The following MFSD6 variants were observed in gnomAD, a reference collection of about 807,000 sequenced individuals.
The protein encoded by MFSD6 is major facilitator superfamily domain containing 6, also known as major facilitator superfamily domain-containing protein 6.
In MFSD6, 26 loss-of-function variants were observed where a neutral mutation model predicts 56.3. The ratio of observed to expected loss-of-function variants is 0.46; its 90% CI spans 0.34 to 0.64. The LOEUF (loss-of-function observed/expected upper bound fraction) is 0.64. Among genes scored for constraint, MFSD6 ranks in the 30% least tolerant of loss-of-function variants. The pLI, the probability that MFSD6 is intolerant of heterozygous loss-of-function variation, is 0.01. For missense variants in MFSD6, 750 were observed against 986.2 expected (o/e 0.76, Z 3.21); for synonymous variants, 331 against 366.9 (o/e 0.90, Z 1.12).
chr2:190,479,839 T>A (rs981892878), intron 4 of MFSD6, among the ~76,000 whole-genome samples: 1 of 152,140 alleles, frequency 6.6e-6, no homozygotes, highest in African/African-American at 2.4e-5. Context: ...GGGAGCCGGG[T>A]TAAGATTTTG....
rs1559111768 is a variant in MFSD6 at position 190,437,808 on chromosome 2, A to T, written c.1532+247A>T. On this transcript the variant is annotated intron_variant, in intron 3 of 7. Transcript: ENST00000392328. This position sits in a 1 kb window ranked among gnomAD's most constrained non-coding sequence, Gnocchi z 5.9. ...TCTGCTCTCCCACCCCACAGAAAAG[A>T]CCTATAGGCTACCTAGCTGTGTGCT... Among the ~76,000 whole-genome samples, 1 of 152,146 alleles carries T rather than the reference A, an allele frequency of 6.6e-6. No individual in the cohort carries two copies. The highest frequency in any genetic ancestry group is 1.5e-5 in the Non-Finnish European group (1 of 68,018).
In MFSD6 at chr2:190,437,551, G is replaced by A. The variant is rs1307632674; in HGVS notation, c.1522G>A (p.Gly508Ser). 1.7e-5 allele frequency: 27 copies of A among 1,612,678 alleles called. No homozygotes were observed. Among genetic ancestry groups the A allele is most frequent in the Admixed American group, 6.7e-5 (4 of 59,958 alleles). ...FFSHKLIELIGHIRVLYIGLA... is the reference protein window; with the variant it reads ...FFSHKLIELISHIRVLYIGLA... ...TAGTCACAAGCTTATTGAATTGATC[G>A]GCCACATCAGGTAAGAACATGCTTA... The change falls in exon 3 of 8, where the codon GGC (glycine) becomes AGC (serine). Residue 508 changes from glycine to serine, a missense_variant. Coordinates refer to ENST00000392328, the MANE Select transcript of MFSD6 (RefSeq NM_017694.4). This position sits in a 1 kb window ranked among gnomAD's most constrained non-coding sequence, Gnocchi z 5.9.
chr2:190,464,137 T>C (rs1687475687), intron 3 of MFSD6, among the ~76,000 whole-genome samples: 2 of 152,204 alleles, frequency 1.3e-5, no homozygotes, highest in Non-Finnish European at 2.9e-5. Flanking sequence ...CTTGTATGCA[T>C]TGGTGTGCGT....
In MFSD6 at chr2:190,433,640, A is replaced by G. The variant is rs1686079004; in HGVS notation, c.-53-2337A>G. 6.6e-6 allele frequency among the ~76,000 whole-genome samples: 1 copy of G among 152,178 alleles called. No individual in the cohort carries two copies. The highest frequency in any genetic ancestry group is 2.1e-4 in the South Asian group (1 of 4,828). On this transcript the variant is annotated intron_variant, in intron 2 of 7. Coordinates refer to ENST00000392328, the MANE Select transcript of MFSD6 (RefSeq NM_017694.4). The surrounding 1 kb of genome is among the most constrained non-coding windows in gnomAD (Gnocchi z 4.5). ...ACTTCAGTTAAATTTTTTTTAACCT[A>G]AAAAACCGACATGAACATTTTCAAA...
At chr2:190,419,013 G>A in intron 2 of MFSD6, among the ~76,000 whole-genome samples, 1 of 152,218 alleles carries the variant, frequency 6.6e-6, no homozygotes, top group Non-Finnish European at 1.5e-5. Flanking sequence ...GGAAGAGGAA[G>A]ATTCCAAAAT....
intron 4 of MFSD6, among the ~76,000 whole-genome samples, chr2:190,484,572 A>C (rs1353340292): frequency 6.6e-6 from 1 of 152,162 alleles, no homozygotes; most frequent in Non-Finnish European, 1.5e-5. Flanking sequence ...TTGTTATTTT[A>C]AAACGAGAGA....
In MFSD6 at chr2:190,437,557, A is replaced by G; in HGVS notation, c.1528A>G (p.Ile510Val). 6.2e-7 allele frequency: 1 copy of G among 1,612,686 alleles called. No homozygotes were observed. The highest frequency in any genetic ancestry group is 8.5e-7 in the Non-Finnish European group (1 of 1,178,894). ...SHKLIELIGH[I>V]RVLYIGLACN... Reference sequence around the variant, plus strand: ...CAAGCTTATTGAATTGATCGGCCACATCAGGTAAGAACATGCTTACGATTG... The same window carrying G: ...CAAGCTTATTGAATTGATCGGCCACGTCAGGTAAGAACATGCTTACGATTG... The change falls in exon 3 of 8, where the codon ATC (isoleucine) becomes GTC (valine). Residue 510 changes from isoleucine (I) to valine (V), a missense_variant. Ile to Val is a conservative substitution (Grantham distance 29). This residue lies in a region of MFSD6 where 125 missense variants were observed against 223.1 expected (regional missense o/e 0.56). Transcript: ENST00000392328. This position sits in a 1 kb window ranked among gnomAD's most constrained non-coding sequence, Gnocchi z 5.9.
chr2:190,490,302 G>T lies in MFSD6; in HGVS notation c.1891+436G>T, dbSNP rs1293252197. ...ACAATGGCCGGGTGCAGTGGCTCAC[G>T]CCTGTAATCCCAACACTTTGGGAGG... On this transcript the variant is annotated intron_variant, in intron 6 of 7. Transcript: ENST00000392328. The surrounding 1 kb of genome is among the most constrained non-coding windows in gnomAD (Gnocchi z 4.5). Among the ~76,000 whole-genome samples the T allele has an allele frequency of 6.6e-6, 1 of 151,186 alleles. No individual in the cohort carries two copies. The highest frequency in any genetic ancestry group is 2.4e-5 in the African/African-American group (1 of 41,180).
intron 3 of MFSD6, among the ~76,000 whole-genome samples, chr2:190,449,873 G>A (rs1317824404): frequency 1.6e-4 from 25 of 152,092 alleles, no homozygotes; most frequent in African/African-American, 2.4e-4. Flanking sequence ...GTGGGGTGGG[G>A]GAAGGGGGGA....
chr2:190,430,865 G>A (rs1330857291), intron 2 of MFSD6, among the ~76,000 whole-genome samples: 3 of 149,382 alleles, frequency 2.0e-5, no homozygotes, highest in African/African-American at 4.9e-5. Flanking sequence ...CCTCCCTCCC[G>A]GACGGGGCGG....
intron 3 of MFSD6, among the ~76,000 whole-genome samples, chr2:190,453,863 A>G (rs1169315486): frequency 6.6e-6 from 1 of 152,234 alleles, no homozygotes; most frequent in African/African-American, 2.4e-5. Context: ...GAAAGAAAAC[A>G]AGACTTGACC....
chr2:190,432,676 T>A (rs1686044790), intron 2 of MFSD6, among the ~76,000 whole-genome samples: 1 of 152,062 alleles, frequency 6.6e-6, no homozygotes. Context: ...CTCAACCTCC[T>A]AAAGTGCTTG....
intron 3 of MFSD6, among the ~76,000 whole-genome samples, chr2:190,468,171 A>T (rs1687704214): frequency 6.6e-6 from 1 of 152,192 alleles, no homozygotes; most frequent in Admixed American, 6.5e-5. Flanking sequence ...AAGTTTCATT[A>T]AGGCAGATTG....
At position 190,463,591 on chromosome 2, in the gene MFSD6, T is replaced by C. The variant is rs969852354; in HGVS notation, c.1533-6167T>C. On this transcript the variant is annotated intron_variant, in intron 3 of 7. Transcript: ENST00000392328. This position sits in a 1 kb window ranked among gnomAD's most constrained non-coding sequence, Gnocchi z 4.4. The stretch of plus-strand genomic sequence containing the variant: ...TCCCAGCAACTTTGGGAGGCTGAGA[T>C]AGGAGGATTGCTTGAGCCCAGGAGT... Among the ~76,000 whole-genome samples the C allele has an allele frequency of 3.9e-5, 6 of 152,146 alleles. No homozygotes were observed. The South Asian group carries it at 1.2e-3, about 32-fold the overall frequency.
intron 4 of MFSD6, among the ~76,000 whole-genome samples, chr2:190,470,464 T>C (rs1054304284): frequency 6.6e-6 from 1 of 152,120 alleles, no homozygotes; most frequent in African/African-American, 2.4e-5. Flanking sequence ...GCTGAAAAAA[T>C]GGATTACTAT....
chr2:190,412,101 C>CT lies in MFSD6; in HGVS notation c.-175-3189dup. ...GTTAAACTAATCTGATGCATATGTA[C>CT]TTGTTAAATACAGTCCCATAGTTCT... On this transcript the variant is annotated intron_variant, in intron 1 of 7. Transcript: ENST00000392328. The surrounding 1 kb of genome is among the most constrained non-coding windows in gnomAD (Gnocchi z 4.1). The CT allele has an allele frequency of 4.1e-6, 4 of 984,100 alleles. No individual in the cohort carries two copies. Among genetic ancestry groups the CT allele is most frequent in the Non-Finnish European group, 4.8e-6 (4 of 828,806 alleles). The allele number at this position is 984,100 out of a possible 1,614,324, so 61.0% of individuals were successfully genotyped here.
rs1687108039 is a variant in MFSD6 at position 190,457,529 on chromosome 2, G to A, written c.1533-12229G>A. The stretch of plus-strand genomic sequence containing the variant: ...GGGGATGTGTTTTATGATAGCAGTT[G>A]CTGGGATCTACATAGAGAATTTTAT... On this transcript the variant is annotated intron_variant, in intron 3 of 7. Transcript: ENST00000392328. This position sits in a 1 kb window ranked among gnomAD's most constrained non-coding sequence, Gnocchi z 5.1. Among the ~76,000 whole-genome samples, 1 of 152,160 alleles carries A rather than the reference G, an allele frequency of 6.6e-6. No individual in the cohort carries two copies. The highest frequency in any genetic ancestry group is 1.5e-5 in the Non-Finnish European group (1 of 68,032).
Position 190,500,121 on chromosome 2 carries a change from C to A in MFSD6, c.2279C>A (p.Ala760Glu). ...SRNQPSPDAA[A>E]SQTQTSPAHP... ...AACCAGCCATCCCCTGACGCAGCAG[C>A]ATCTCAGACGCAGACCAGCCCCGCT... Residue 760 changes from alanine to glutamate, a missense_variant, in exon 8 of 8, where the codon GCA (alanine) becomes GAA (glutamate). This residue lies in a region of MFSD6 where 172 missense variants were observed against 203.9 expected (regional missense o/e 0.84). Coordinates refer to ENST00000392328, the MANE Select transcript of MFSD6 (RefSeq NM_017694.4). This position sits in a 1 kb window ranked among gnomAD's most constrained non-coding sequence, Gnocchi z 5.3. The A allele has an allele frequency of 6.2e-7, 1 of 1,614,208 alleles. No individual in the cohort carries two copies. The highest frequency in any genetic ancestry group is 8.5e-7 in the Non-Finnish European group (1 of 1,180,038).
chr2:190,468,345 C>T (rs894168432), intron 3 of MFSD6, among the ~76,000 whole-genome samples: 1 of 151,946 alleles, frequency 6.6e-6, no homozygotes, highest in Non-Finnish European at 1.5e-5. Flanking sequence ...TTTGTCTTTT[C>T]TTCATCTTTC....
Sources: allele counts gnomAD v4.1 joint callset (sites outside exome capture counted in the v4.1 genomes callset), GRCh38; gene constraint gnomAD v4.1.1; regional missense constraint gnomAD v4.1.1; non-coding constraint Gnocchi (gnomAD v3.1); transcripts MANE v1.5; gene names NCBI Gene and HGNC (gene_info 2026-07-23, HGNC 2026-07-21).